Variants in PDZRN4 observed in about 807,000 individuals in gnomAD.
The protein encoded by PDZRN4 is PDZ domain containing ring finger 4, also known as PDZ domain-containing RING finger protein 4.
Under a neutral mutation model 99.0 loss-of-function variants are expected in PDZRN4, and 70 were observed. That is an observed-to-expected ratio of 0.71 (90% confidence interval 0.58 to 0.86). PDZRN4 has a LOEUF of 0.86. Among genes scored for constraint, PDZRN4 ranks in the 40% least tolerant of loss-of-function variants. PDZRN4 has a pLI of 0.00. For synonymous variants in PDZRN4, 551 were observed against 501.6 expected (o/e 1.10, Z -1.32); for missense variants, 1,474 against 1,331.2 (o/e 1.11, Z -1.67).
intron 3 of PDZRN4, among the ~76,000 whole-genome samples, chr12:41,280,082 G>C (rs1565540318): frequency 2.0e-5 from 3 of 152,086 alleles, no homozygotes; most frequent in African/African-American, 7.2e-5. Context: ...AGCAGGGTGG[G>C]GTGTCGCCTC....
intron 5 of PDZRN4, among the ~76,000 whole-genome samples, chr12:41,526,016 G>T (rs1478698031): frequency 6.6e-6 from 1 of 152,134 alleles, no homozygotes; most frequent in African/African-American, 2.4e-5. Context: ...ATAGTTGAAA[G>T]ACCAAATCCA....
chr12:41,293,968 A>G (rs1004302260), intron 3 of PDZRN4, among the ~76,000 whole-genome samples: 10 of 152,232 alleles, frequency 6.6e-5, no homozygotes, highest in African/African-American at 2.4e-4. Flanking sequence ...CTACAAAGAC[A>G]TGGCATTCAA....
chr12:41,296,850 C>T (rs1951498078), intron 3 of PDZRN4, among the ~76,000 whole-genome samples: 1 of 151,834 alleles, frequency 6.6e-6, no homozygotes, highest in South Asian at 2.1e-4. Context: ...TCCTAGCTAC[C>T]AGGAGGCTGA....
chr12:41,460,845 G>C (rs1344318991), intron 3 of PDZRN4, among the ~76,000 whole-genome samples: 1 of 152,200 alleles, frequency 6.6e-6, no homozygotes, highest in African/African-American at 2.4e-5. Context: ...AAGTTCATGG[G>C]AAATGTGTCT....
intron 5 of PDZRN4, among the ~76,000 whole-genome samples, chr12:41,514,395 G>A (rs1183175121): frequency 1.3e-5 from 2 of 151,962 alleles, no homozygotes; most frequent in African/African-American, 4.8e-5. Flanking sequence ...ATAAAGAAAA[G>A]AGAATCATGA....
chr12:41,455,811 C>T (rs1952813009), intron 3 of PDZRN4, among the ~76,000 whole-genome samples: 1 of 152,084 alleles, frequency 6.6e-6, no homozygotes, highest in South Asian at 2.1e-4. Context: ...AAGATTAAAC[C>T]CATCTTGGTT....
rs550547227 is a variant in PDZRN4 at position 41,293,182 on chromosome 12, C to A, written c.843+98994C>A. On this transcript the variant is annotated intron_variant, in intron 3 of 9. Transcript: ENST00000402685. ...CACATTCCACCAGCCAGAAGTTAGT[C>A]ATTGAAGCCCCACCTCAATGCAAGG... 5.9e-4 allele frequency among the ~76,000 whole-genome samples: 81 copies of A among 137,592 alleles called. 1 individual carries two copies. Among genetic ancestry groups the A allele is most frequent in the African/African-American group, 1.9e-3 (71 of 37,682 alleles). 90.3% of individuals were successfully genotyped at this position (137,592 alleles called of 152,430 possible).
At chr12:41,508,518 TAA>T (rs1345723301) in intron 4 of PDZRN4, among the ~76,000 whole-genome samples, 1 of 152,134 alleles carries the variant, frequency 6.6e-6, no homozygotes, top group East Asian at 1.9e-4. Context: ...GTCGAATGAA[TAA>T]AGTGTTCCTC....
At chr12:41,555,669 G>A in intron 6 of PDZRN4, 29 bp from the exon 7 acceptor site, 1 of 1,568,930 alleles carries the variant, frequency 6.4e-7, no homozygotes, top group Non-Finnish European at 8.8e-7. Flanking sequence ...TTCATACCCA[G>A]TTGAAGATGT....
chr12:41,259,978 A>G (rs1951226896), intron 3 of PDZRN4, among the ~76,000 whole-genome samples: 1 of 152,070 alleles, frequency 6.6e-6, no homozygotes, highest in Non-Finnish European at 1.5e-5. Context: ...ATACTAGGAC[A>G]TTTTCTACTT....
intron 3 of PDZRN4, among the ~76,000 whole-genome samples, chr12:41,502,171 A>G (rs141605735): frequency 6.6e-6 from 1 of 152,190 alleles, no homozygotes; most frequent in African/African-American, 2.4e-5. Context: ...TCAGAATCCA[A>G]TCGTCCCACC....
intron 3 of PDZRN4, among the ~76,000 whole-genome samples, chr12:41,209,954 G>T (rs1449381544): frequency 1.3e-5 from 2 of 150,246 alleles, no homozygotes; most frequent in Non-Finnish European, 3.0e-5. Flanking sequence ...CTAGTTTACA[G>T]TCCCACCAAC....
intron 3 of PDZRN4, among the ~76,000 whole-genome samples, chr12:41,355,951 A>G (rs1309888838): frequency 1.3e-5 from 2 of 152,172 alleles, no homozygotes; most frequent in East Asian, 3.9e-4. Flanking sequence ...TTGCCTCTAT[A>G]GACTTTTAAA....
intron 3 of PDZRN4, among the ~76,000 whole-genome samples, chr12:41,213,929 G>A (rs1950903560): frequency 6.6e-6 from 1 of 151,742 alleles, no homozygotes; most frequent in Non-Finnish European, 1.5e-5. Flanking sequence ...CCTAAAATAA[G>A]GATAATAACC....
intron 3 of PDZRN4, among the ~76,000 whole-genome samples, chr12:41,281,712 A>G (rs983591219): frequency 6.6e-6 from 1 of 152,330 alleles, no homozygotes; most frequent in East Asian, 1.9e-4. Context: ...GAAATATGGG[A>G]CTATGTGAAA....
rs140325776 is a variant in PDZRN4 at position 41,334,840 on chromosome 12, A to C, written c.843+140652A>C. Among the ~76,000 whole-genome samples, 107 of 152,270 alleles carry C rather than the reference A, an allele frequency of 7.0e-4. 2 individuals are homozygous for C. The East Asian group carries it at 0.019, about 27-fold the overall frequency. ...TTGGTTAAATTTGTCAGCATCCCTA[A>C]TAGAAACCACCATTGTAATAAGATT... On this transcript the variant is annotated intron_variant, in intron 3 of 9. Coordinates refer to ENST00000402685, the MANE Select transcript of PDZRN4 (RefSeq NM_001164595.2).
chr12:41,192,418 A>C (rs1220214627), intron 2 of PDZRN4, among the ~76,000 whole-genome samples: 2 of 152,218 alleles, frequency 1.3e-5, no homozygotes, highest in African/African-American at 4.8e-5. Context: ...TGAGAAAAAC[A>C]AAAAACAACA....
chr12:41,547,291 C>G (rs571462234), intron 5 of PDZRN4, among the ~76,000 whole-genome samples: 1 of 152,158 alleles, frequency 6.6e-6, no homozygotes, highest in Non-Finnish European at 1.5e-5. Context: ...ATGCAGTCTG[C>G]CTGGTTCCCT....
At chr12:41,264,468 G>A (rs983201299) in intron 3 of PDZRN4, among the ~76,000 whole-genome samples, 1 of 151,916 alleles carries the variant, frequency 6.6e-6, no homozygotes, top group Non-Finnish European at 1.5e-5. Context: ...ATCCATTAGA[G>A]GGCAATATAA....
Sources: gnomAD v4.1 joint callset for allele counts (sites outside exome capture counted in the v4.1 genomes callset) on GRCh38, gnomAD v4.1.1 for gene constraint, MANE v1.5 for transcripts, NCBI Gene and HGNC (gene_info 2026-07-23, HGNC 2026-07-21) for gene names.